The following KCNK9 variants were observed in gnomAD, a reference collection of about 807,000 sequenced individuals.
KCNK9 encodes potassium channel subfamily K member 9.
Under a neutral mutation model 10.8 loss-of-function variants are expected in KCNK9, and 1 was observed. The observed-to-expected ratio is 0.09, with a 90% CI of 0.03 to 0.44. The LOEUF is 0.44. Ranked by LOEUF, KCNK9 falls within the 20% of genes least tolerant of loss-of-function variation. The probability of loss-of-function intolerance (pLI) is 0.97; values close to 1 mark genes in which losing one functional copy is unlikely to be tolerated. For synonymous variants in KCNK9, 231 were observed against 222.7 expected (o/e 1.04, Z -0.33); for missense variants, 303 against 515.0 (o/e 0.59, Z 3.98).
intron 1 of KCNK9, among the ~76,000 whole-genome samples, chr8:139,629,067 G>A (rs1227347855): frequency 6.6e-6 from 1 of 152,210 alleles, no homozygotes; most frequent in Non-Finnish European, 1.5e-5. Flanking sequence ...CCTCCCATGG[G>A]CCCCAGTCCC....
intron 1 of KCNK9, among the ~76,000 whole-genome samples, chr8:139,643,799 T>C (rs1815584234): frequency 6.6e-6 from 1 of 152,184 alleles, no homozygotes; most frequent in Admixed American, 6.5e-5. Flanking sequence ...TCTTCCCTCA[T>C]CTACAAGCCC....
chr8:139,676,974 G>A (rs968842691), intron 1 of KCNK9, among the ~76,000 whole-genome samples: 9 of 151,964 alleles, frequency 5.9e-5, no homozygotes, highest in African/African-American at 1.5e-4. Flanking sequence ...CAAACAAACA[G>A]ACAGACAAAA....
At chr8:139,672,301 T>C (rs1253230135) in intron 1 of KCNK9, among the ~76,000 whole-genome samples, 9 of 152,180 alleles carry the variant, frequency 5.9e-5, no homozygotes, top group African/African-American at 2.2e-4. Flanking sequence ...ATTCCTTCCT[T>C]GGACTGTGTC....
intron 1 of KCNK9, among the ~76,000 whole-genome samples, chr8:139,638,637 G>T (rs1200179209): frequency 6.6e-6 from 1 of 152,206 alleles, no homozygotes; most frequent in East Asian, 1.9e-4. Context: ...CAGCTGCTTT[G>T]TCTGGGGATA....
intron 1 of KCNK9, among the ~76,000 whole-genome samples, chr8:139,619,310 G>T (rs1032061920): frequency 1.3e-5 from 2 of 152,248 alleles, no homozygotes; most frequent in African/African-American, 2.4e-5. Flanking sequence ...GAGGTTAGGG[G>T]ATGGCAGGGG....
At chr8:139,662,207 C>A (rs1816170877) in intron 1 of KCNK9, among the ~76,000 whole-genome samples, 1 of 152,186 alleles carries the variant, frequency 6.6e-6, no homozygotes, top group South Asian at 2.1e-4. Context: ...TCCCACTCTA[C>A]TGCAGGCAGA....
chr8:139,691,952 C>T (rs372442015), intron 1 of KCNK9, among the ~76,000 whole-genome samples: 15 of 152,242 alleles, frequency 9.9e-5, no homozygotes, highest in East Asian at 3.9e-4. Context: ...AGCTGTTGGG[C>T]GGGTCATCCA....
intron 1 of KCNK9, among the ~76,000 whole-genome samples, chr8:139,679,008 T>C (rs1302167434): frequency 1.3e-5 from 2 of 152,200 alleles, no homozygotes; most frequent in African/African-American, 2.4e-5. Flanking sequence ...GGGTCTCGTT[T>C]TGGGGAGTTA....
At chr8:139,654,275 G>A (rs2129683894) in intron 1 of KCNK9, among the ~76,000 whole-genome samples, 1 of 152,364 alleles carries the variant, frequency 6.6e-6, no homozygotes, top group South Asian at 2.1e-4. Context: ...ATCGCTGGGT[G>A]CCCTGGTGAC....
intron 1 of KCNK9, among the ~76,000 whole-genome samples, chr8:139,639,639 GAC>G (rs1815441518): frequency 6.6e-6 from 1 of 152,220 alleles, no homozygotes; most frequent in Non-Finnish European, 1.5e-5. Flanking sequence ...ACCCACATGT[GAC>G]ACAAGAAAAG....
At chr8:139,632,675 C>T (rs1815209574) in intron 1 of KCNK9, among the ~76,000 whole-genome samples, 1 of 152,146 alleles carries the variant, frequency 6.6e-6, no homozygotes, top group African/African-American at 2.4e-5. Context: ...GCTCCCATTC[C>T]CCCCGCTCCC....
chr8:139,617,026 C>T (rs1814614654), downstream of KCNK9: 1 of 152,188 alleles, frequency 6.6e-6, no homozygotes, highest in South Asian at 2.1e-4. Context: ...GGCAAGTTCC[C>T]AGTAGGCCAA....
intron 1 of KCNK9, among the ~76,000 whole-genome samples, chr8:139,647,523 G>A (rs920079087): frequency 6.6e-6 from 1 of 152,198 alleles, no homozygotes; most frequent in African/African-American, 2.4e-5. Flanking sequence ...ACGTGCACGC[G>A]GCATGTTCCC....
At chr8:139,686,691 C>G (rs188236692) in intron 1 of KCNK9, among the ~76,000 whole-genome samples, 3 of 152,184 alleles carry the variant, frequency 2.0e-5, no homozygotes, top group African/African-American at 7.2e-5. Flanking sequence ...ATGACCAAGA[C>G]AGAATAACAC....
At chr8:139,601,851 G>A (rs1253612191) in intron 2 of KCNK9, among the ~76,000 whole-genome samples, 2 of 152,144 alleles carry the variant, frequency 1.3e-5, no homozygotes, top group Admixed American at 1.3e-4. Flanking sequence ...TATTTATTGT[G>A]AACCCGCATG....
At chr8:139,665,728 C>T (rs1425701825) in intron 1 of KCNK9, among the ~76,000 whole-genome samples, 1 of 152,242 alleles carries the variant, frequency 6.6e-6, no homozygotes, top group African/African-American at 2.4e-5. Context: ...GCCATCAGAT[C>T]ACCCCACAGC....
rs1816967896 is a variant in KCNK9 at position 139,693,056 on chromosome 8, C to T, written c.283+9654G>A. Among the ~76,000 whole-genome samples the T allele has an allele frequency of 6.6e-6, 1 of 152,154 alleles. No individual in the cohort carries two copies. ...ACCTGAGTTTTCACCCCAGCCCCAC[C>T]TGACAAGCTCATCCCAGATGTATGC... On this transcript the variant is annotated intron_variant, in intron 1 of 1. Transcript: ENST00000520439. The surrounding 1 kb of genome is among the most constrained non-coding windows in gnomAD (Gnocchi z 4.1).
At chr8:139,686,917 A>G (rs1370792433) in intron 1 of KCNK9, among the ~76,000 whole-genome samples, 1 of 152,230 alleles carries the variant, frequency 6.6e-6, no homozygotes, top group Non-Finnish European at 1.5e-5. Flanking sequence ...AGAGGAAAAC[A>G]TATAGCCTTT....
intron 1 of KCNK9, among the ~76,000 whole-genome samples, chr8:139,686,865 A>C (rs559477216): frequency 1.5e-4 from 23 of 152,324 alleles, no homozygotes; most frequent in African/African-American, 5.3e-4. Context: ...TTACAAACAA[A>C]TGATAATGAG....
Sources: gnomAD v4.1 joint callset for allele counts (sites outside exome capture counted in the v4.1 genomes callset) on GRCh38, gnomAD v4.1.1 for gene constraint, Gnocchi (gnomAD v3.1) non-coding constraint, MANE v1.5 for transcripts, NCBI Gene and HGNC (gene_info 2026-07-23, HGNC 2026-07-21) for gene names.